Variants in BAZ1A observed in about 807,000 individuals in gnomAD.
The protein encoded by BAZ1A is bromodomain adjacent to zinc finger domain protein 1A.
In BAZ1A, 50 loss-of-function variants were observed where a neutral mutation model predicts 185.2. The observed-to-expected ratio is 0.27, with a 90% CI of 0.22 to 0.34. The LOEUF (loss-of-function observed/expected upper bound fraction) is 0.34, where lower values mean the gene tolerates loss of function less well. Ranked by LOEUF, BAZ1A falls within the 10% of genes least tolerant of loss-of-function variation. The pLI is 1.00. For synonymous variants in BAZ1A, 571 were observed against 615.6 expected, an observed-to-expected ratio of 0.93 and a Z score of 1.07; for missense variants, 1,356 against 1,839.9, an observed-to-expected ratio of 0.74 and a Z score of 4.81.
intron 4 of BAZ1A, among the ~76,000 whole-genome samples, chr14:34,818,342 A>G (rs2138694650): frequency 6.6e-6 from 1 of 152,352 alleles, no homozygotes; most frequent in South Asian, 2.1e-4. Flanking sequence ...GGAGAAACAC[A>G]AAGTTATAGC....
intron 1 of BAZ1A, 73 bp downstream of exon 1, chr14:34,875,065 G>T (rs1188393160): frequency 1.2e-5 from 4 of 347,678 alleles, no homozygotes; most frequent in African/African-American, 2.2e-5. Context: ...GCGGACCCCG[G>T]AGCTGCTCCG....
At chr14:34,851,188 C>T (rs1201076655) in intron 3 of BAZ1A, among the ~76,000 whole-genome samples, 2 of 151,740 alleles carry the variant, frequency 1.3e-5, no homozygotes, top group African/African-American at 4.8e-5. Flanking sequence ...TAAAAATTAG[C>T]CAGGCATGGT....
chr14:34,803,380 G>GAAAAAAA (rs11448366), intron 6 of BAZ1A, among the ~76,000 whole-genome samples: 1 of 114,880 alleles, frequency 8.7e-6, no homozygotes, highest in Non-Finnish European at 1.7e-5. Flanking sequence ...TCCATCTCAG[G>GAAAAAAA]AAAAAAAAAA....
chr14:34,795,634 C>T (rs767343026), intron 10 of BAZ1A, 36 bp downstream of exon 10: 1 of 1,435,474 alleles, frequency 7.0e-7, no homozygotes, highest in Admixed American at 2.1e-5. Flanking sequence ...ACATGTAAAA[C>T]CTATGTGTGC....
chr14:34,834,087 T>C (rs984937188), intron 3 of BAZ1A, among the ~76,000 whole-genome samples: 2 of 152,150 alleles, frequency 1.3e-5, no homozygotes, highest in African/African-American at 4.8e-5. Flanking sequence ...ATGTAGCCTA[T>C]TGATAAAAAG....
chr14:34,847,236 T>TAAA (rs5807798), intron 3 of BAZ1A, among the ~76,000 whole-genome samples: 4 of 142,560 alleles, frequency 2.8e-5, no homozygotes, highest in African/African-American at 7.8e-5. Flanking sequence ...AGACTAGTCT[T>TAAA]AAAAAAAAAA....
chr14:34,873,956 T>C (rs1057336566), intron 2 of BAZ1A, among the ~76,000 whole-genome samples: 6 of 151,786 alleles, frequency 4.0e-5, no homozygotes, highest in Non-Finnish European at 8.8e-5. Flanking sequence ...CGCTCCTCTC[T>C]CCCCTACCCC....
At chr14:34,870,463 T>A (rs188828688) in intron 2 of BAZ1A, among the ~76,000 whole-genome samples, 8 of 152,320 alleles carry the variant, frequency 5.3e-5, no homozygotes, top group Non-Finnish European at 1.0e-4. Flanking sequence ...ACCATTAGTA[T>A]AGGAATTGGT....
intron 3 of BAZ1A, among the ~76,000 whole-genome samples, chr14:34,844,183 G>A (rs1484960098): frequency 7.0e-6 from 1 of 143,844 alleles, no homozygotes; most frequent in African/African-American, 2.6e-5. Flanking sequence ...TCCAGCCTGG[G>A]CGACAGAGCG....
intron 3 of BAZ1A, among the ~76,000 whole-genome samples, chr14:34,835,365 G>A (rs2042312124): frequency 1.3e-5 from 2 of 151,720 alleles, no homozygotes; most frequent in Admixed American, 6.6e-5. Context: ...CCTGCCCAGG[G>A]ATTTAAGTAA....
At chr14:34,761,528 TC>T (rs1886520921) in intron 24 of BAZ1A, among the ~76,000 whole-genome samples, 1 of 152,180 alleles carries the variant, frequency 6.6e-6, no homozygotes, top group African/African-American at 2.4e-5. Flanking sequence ...AAACAGAACG[TC>T]ATTTGTAAGT....
At chr14:34,762,704 A>AG (rs1886576042) in intron 23 of BAZ1A, among the ~76,000 whole-genome samples, 1 of 152,148 alleles carries the variant, frequency 6.6e-6, no homozygotes. Context: ...TCCTGGACTC[A>AG]GGCGATCTGC....
At chr14:34,798,422 T>C (rs1453728610) in intron 9 of BAZ1A, among the ~76,000 whole-genome samples, 1 of 152,180 alleles carries the variant, frequency 6.6e-6, no homozygotes, top group Non-Finnish European at 1.5e-5. Context: ...CACCTCCCAG[T>C]AGGGGCCAAC....
chr14:34,829,797 C>T (rs2042214550), intron 3 of BAZ1A, among the ~76,000 whole-genome samples: 1 of 152,160 alleles, frequency 6.6e-6, no homozygotes, highest in Admixed American at 6.6e-5. Context: ...AACCTACCTC[C>T]CTGACCACAC....
chr14:34,867,145 G>A (rs1346599269), intron 2 of BAZ1A, among the ~76,000 whole-genome samples: 1 of 152,076 alleles, frequency 6.6e-6, no homozygotes, highest in Non-Finnish European at 1.5e-5. Flanking sequence ...TGTAGTCCCA[G>A]CTATTGGGGA....
chr14:34,801,486 G>A (rs1881556929), intron 7 of BAZ1A, among the ~76,000 whole-genome samples: 1 of 152,190 alleles, frequency 6.6e-6, no homozygotes, highest in South Asian at 2.1e-4. Flanking sequence ...AGTAGATACA[G>A]GGTTTTGCCA....
chr14:34,871,549 CAA>C (rs773630262), intron 2 of BAZ1A, among the ~76,000 whole-genome samples: 39 of 152,316 alleles, frequency 2.6e-4, no homozygotes, highest in Non-Finnish European at 4.3e-4. Context: ...GTCACTGTCT[CAA>C]AGAGTTCAGG....
At chr14:34,818,480 A>T (rs112812734) in intron 4 of BAZ1A, among the ~76,000 whole-genome samples, 8 of 152,332 alleles carry the variant, frequency 5.3e-5, no homozygotes, top group African/African-American at 1.4e-4. Context: ...TACATTTTTT[A>T]AATTACTAAA....
At position 34,795,748 on chromosome 14, in the gene BAZ1A, A is replaced by T. The variant is rs759220655; in HGVS notation, c.1146T>A (p.Arg382=). The stretch of plus-strand genomic sequence containing the variant: ...ATTCCACATACTTTCGCTTTTCTTC[A>T]CGTAACTTCTCTCTTTCCTAGAAAT... ...VEREKEREKL[R]EEKRKYVEYL... is the part of the protein sequence containing the mutation. Residue 382 remains arginine, a synonymous_variant, in exon 10 of 27, where the codon CGT becomes CGA. Coordinates refer to ENST00000360310, the MANE Select transcript of BAZ1A (RefSeq NM_013448.3). 1 of 1,611,736 alleles carries T rather than the reference A, an allele frequency of 6.2e-7. No homozygotes were observed. Among genetic ancestry groups the T allele is most frequent in the East Asian group, 2.2e-5 (1 of 44,822 alleles).
Sources: allele counts gnomAD v4.1 joint callset (sites outside exome capture counted in the v4.1 genomes callset), GRCh38; gene constraint gnomAD v4.1.1; transcripts MANE v1.5; gene names NCBI Gene and HGNC (gene_info 2026-07-23, HGNC 2026-07-21).